MRPL38: variants seen among roughly 807,000 people sequenced by gnomAD.
MRPL38 encodes the protein large ribosomal subunit protein mL38.
A neutral mutation model predicts 52.1 loss-of-function variants in MRPL38; 51 were observed. The ratio of observed to expected loss-of-function variants is 0.98; its 90% CI spans 0.78 to 1.24. The LOEUF is 1.24. Ranked by LOEUF, MRPL38 falls within the 50% of genes most tolerant of loss-of-function variation. MRPL38 has a pLI of 0.00. For synonymous variants in MRPL38, 245 were observed against 212.7 expected, an observed-to-expected ratio of 1.15 and a Z score of -1.32; for missense variants, 527 against 518.6, an observed-to-expected ratio of 1.02 and a Z score of -0.16.
chr17:75,903,164 T>G (rs2065412618), intron 2 of MRPL38, among the ~76,000 whole-genome samples: 1 of 152,168 alleles, frequency 6.6e-6, no homozygotes, highest in South Asian at 2.1e-4. Flanking sequence ...ATCCCAACAC[T>G]TTGGGAGGCT....
At chr17:75,902,699 G>A (rs1209566958) in intron 2 of MRPL38, among the ~76,000 whole-genome samples, 2 of 152,132 alleles carry the variant, frequency 1.3e-5, no homozygotes, top group East Asian at 1.9e-4. Flanking sequence ...GGATGTAACT[G>A]GGAAGCAAAT....
At position 75,901,826 on chromosome 17, in the gene MRPL38, T is replaced by C; in HGVS notation, c.477A>G (p.Arg159=). 6.2e-7 allele frequency: 1 copy of C among 1,613,328 alleles called. No homozygotes were observed. Among genetic ancestry groups the C allele is most frequent in the Non-Finnish European group, 8.5e-7 (1 of 1,179,830 alleles). ...QRLAEYYGLY[R]DLFHGATFVP... ...CAAAGGTGGCACCGTGGAACAGGTCTCGGTAGAGGCCGTAATACTCAGCCA... is the reference window on the plus strand; with the variant it reads ...CAAAGGTGGCACCGTGGAACAGGTCCCGGTAGAGGCCGTAATACTCAGCCA... The change falls in exon 4 of 9, where the codon CGA becomes CGG. Residue 159 remains arginine, a synonymous_variant. Coordinates refer to ENST00000309352, the MANE Select transcript of MRPL38 (RefSeq NM_032478.4). The surrounding 1 kb of genome is among the most constrained non-coding windows in gnomAD (Gnocchi z 5.7).
intron 2 of MRPL38, among the ~76,000 whole-genome samples, chr17:75,903,820 G>C (rs2065416112): frequency 6.6e-6 from 1 of 151,920 alleles, no homozygotes; most frequent in Non-Finnish European, 1.5e-5. Flanking sequence ...CTGCCTCCTG[G>C]GTTCAAGCGA....
rs375197278 is a variant in MRPL38 at position 75,901,950 on chromosome 17, G to A, written c.383-30C>T. On this transcript the variant is annotated intron_variant, in intron 3 of 8. Coordinates refer to ENST00000309352, the MANE Select transcript of MRPL38 (RefSeq NM_032478.4). This position sits in a 1 kb window ranked among gnomAD's most constrained non-coding sequence, Gnocchi z 5.7. ...ACAGGAATAAGGCCAGTTGGGATAC[G>A]GGGGTGGGGGGGGCAGGGACACACC... 1.4e-5 allele frequency: 22 copies of A among 1,606,514 alleles called. No individual in the cohort carries two copies. Among genetic ancestry groups the A allele is most frequent in the East Asian group, 4.5e-5 (2 of 44,666 alleles).
In MRPL38 at chr17:75,899,654, C is replaced by T. The variant is rs145518548; in HGVS notation, c.731G>A (p.Arg244Gln). The change falls in exon 7 of 9, where the codon CGG becomes CAG. Residue 244 changes from arginine (R) to glutamine (Q), a missense_variant. Coordinates refer to ENST00000309352, the MANE Select transcript of MRPL38 (RefSeq NM_032478.4). ...ACACGTCACCTGTCCTTCAGCCACC[C>T]GGTTACCCGGGATGTTGGTTCTGGG... ...HWLLTNIPGN[R>Q]VAEGQVTCPY... The T allele has an allele frequency of 8.9e-5, 140 of 1,579,724 alleles. 1 individual carries two copies. The Admixed American group carries it at 2.3e-3, about 25-fold the overall frequency.
rs975500682 is a variant in MRPL38 at position 75,904,871 on chromosome 17, G to A, written c.5C>T (p.Ala2Val). Residue 2 changes from alanine (A) to valine (V), a missense_variant, in exon 1 of 9, where the codon GCG becomes GTG. Coordinates refer to ENST00000309352, the MANE Select transcript of MRPL38 (RefSeq NM_032478.4). M[A>V]APWWRAALCE... is the part of the protein sequence containing the mutation. The stretch of plus-strand genomic sequence containing the variant: ...CAGCGCGGCTCGCCACCAGGGCGCC[G>A]CCATCTTCCCTCCGGCCTGCGACAC... The A allele has an allele frequency of 1.5e-5, 22 of 1,506,022 alleles. No homozygotes were observed. Among genetic ancestry groups the A allele is most frequent in the South Asian group, 4.8e-5 (4 of 82,540 alleles). 93.3% of individuals were successfully genotyped at this position (1,506,022 alleles called of 1,614,324 possible).
chr17:75,904,243 C>G (rs2065418133), intron 2 of MRPL38: 1 of 581,798 alleles, frequency 1.7e-6, no homozygotes, highest in Non-Finnish European at 3.3e-6. Context: ...TTGAGGCGCA[C>G]AGAACGGCAT....
chr17:75,899,264 A>C lies in MRPL38; in HGVS notation c.900T>G (p.Thr300=), dbSNP rs1475280272. 1.2e-6 allele frequency: 2 copies of C among 1,612,716 alleles called. No homozygotes were observed. Among genetic ancestry groups the C allele is most frequent in the Admixed American group, 3.3e-5 (2 of 59,858 alleles). The change falls in exon 8 of 9, where the codon ACT becomes ACG. Residue 300 remains threonine, a synonymous_variant. Transcript: ENST00000309352. ...CTTGGTGTTTCTTGTAGAAATCAAA[A>C]GTGCGGAAGGTCCGCTGGGCCAGCT... ...CYQLAQRTFR[T]FDFYKKHQET... is the part of the protein sequence containing the mutation.
intron 8 of MRPL38, 42 bp from the exon 9 acceptor site, chr17:75,899,028 C>T (rs371747301): frequency 6.5e-5 from 101 of 1,550,494 alleles, no homozygotes; most frequent in Middle Eastern, 2.1e-4. Context: ...TGCTGGCCTG[C>T]GCCCCCTCAG....
Position 75,901,785 on chromosome 17 carries a change from A to G in MRPL38, c.518T>C (p.Leu173Pro). Residue 173 changes from leucine (L) to proline (P), a missense_variant, in exon 4 of 9, where the codon CTG becomes CCG. Leu to Pro is a moderately conservative substitution (Grantham distance 98, BLOSUM62 -3). Coordinates refer to ENST00000309352, the MANE Select transcript of MRPL38 (RefSeq NM_032478.4). This position sits in a 1 kb window ranked among gnomAD's most constrained non-coding sequence, Gnocchi z 5.7. ...HGATFVPRVP[L>P]HVAYAVGEDD... ...CTCACCCACAGCGTAGGCCACGTGC[A>G]GGGGGACTCGGGGCACAAAGGTGGC... 1 of 1,613,552 alleles carries G rather than the reference A, an allele frequency of 6.2e-7. No individual in the cohort carries two copies. Among genetic ancestry groups the G allele is most frequent in the Non-Finnish European group, 8.5e-7 (1 of 1,179,842 alleles).
rs2065406021 is a variant in MRPL38, at chr17:75,901,857, T to G, written c.446A>C (p.Gln149Pro). 6.2e-7 allele frequency: 1 copy of G among 1,611,984 alleles called. No individual in the cohort carries two copies. Among genetic ancestry groups the G allele is most frequent in the Admixed American group, 1.7e-5 (1 of 59,848 alleles). The change falls in exon 4 of 9, where the codon CAG (glutamine) becomes CCG (proline). Residue 149 changes from glutamine (Q) to proline (P), a missense_variant. Transcript: ENST00000309352. This position sits in a 1 kb window ranked among gnomAD's most constrained non-coding sequence, Gnocchi z 5.7. ...GAGGCCGTAATACTCAGCCAGACGC[T>G]GCTTGTGGTAGGGGCCACAGGTCCT... is the stretch of plus-strand genomic sequence containing the variant. ...WERTCGPYHK[Q>P]RLAEYYGLYR... is the part of the protein sequence containing the mutation.
Position 75,902,021 on chromosome 17 carries a change from T to G in MRPL38, c.381A>C (p.Thr127=). ...VEEERAARLR[T]ASVPLDAVRA... Reference sequence around the variant, plus strand: ...GGCCCCTCCCCTGAGAAGGCTTACCTGTGCGGAGGCGGGCAGCCCGCTCCT... The same window carrying G: ...GGCCCCTCCCCTGAGAAGGCTTACCGGTGCGGAGGCGGGCAGCCCGCTCCT... The change falls in exon 3 of 9, where the codon ACA becomes ACC. Residue 127 remains threonine, a splice_region_variant and synonymous_variant. Transcript: ENST00000309352. 6.2e-7 allele frequency: 1 copy of G among 1,613,772 alleles called. No homozygotes were observed. Among genetic ancestry groups the G allele is most frequent in the Non-Finnish European group, 8.5e-7 (1 of 1,179,804 alleles).
rs1944252563 is a variant in MRPL38 at position 75,900,962 on chromosome 17, CCCAGTACT to C, written c.710+12_710+19del. On this transcript the variant is annotated intron_variant, in intron 6 of 8. Transcript: ENST00000309352. ...TCCCGCCTGGGCAGCACCCCCTACC[CCCAGTACT>C]CCAGTACTCACAGCAGCCAGTGGAG... The C allele has an allele frequency of 6.2e-7, 1 of 1,610,474 alleles. No homozygotes were observed. The highest frequency in any genetic ancestry group is 8.5e-7 in the Non-Finnish European group (1 of 1,178,668).
chr17:75,900,730 A>C, intron 6 of MRPL38: 1 of 1,322,218 alleles, frequency 7.6e-7, no homozygotes, highest in Non-Finnish European at 9.6e-7. Flanking sequence ...CAAAAAAAAA[A>C]AAAAAAAAGA....
intron 8 of MRPL38, 29 bp from the exon 9 acceptor site, chr17:75,899,015 G>T (rs1349754646): frequency 5.7e-6 from 9 of 1,569,416 alleles, no homozygotes; most frequent in Admixed American, 3.5e-5. Flanking sequence ...GTACGGGGTG[G>T]TCTGCTGGCC....
chr17:75,899,067 G>T, intron 8 of MRPL38, 81 bp from the exon 9 acceptor site: 1 of 1,531,320 alleles, frequency 6.5e-7, no homozygotes, highest in Non-Finnish European at 8.8e-7. Flanking sequence ...GGGACCTGCC[G>T]CAGCCTTCCC....
intron 6 of MRPL38, chr17:75,899,932 T>G: frequency 6.7e-6 from 2 of 299,826 alleles, no homozygotes; most frequent in Non-Finnish European, 1.2e-5. Context: ...ATGCAGCCGC[T>G]TCCAGGCCCC....
chr17:75,902,329 T>C, intron 2 of MRPL38, 175 bp from the exon 3 acceptor site: 1 of 695,662 alleles, frequency 1.4e-6, no homozygotes, highest in South Asian at 1.9e-5. Context: ...GTATGAACTC[T>C]TGGGCTCAAG....
chr17:75,899,115 G>A, intron 8 of MRPL38, 43 bp downstream of exon 8: 1 of 1,570,574 alleles, frequency 6.4e-7, no homozygotes, highest in Non-Finnish European at 8.6e-7. Context: ...GGCGAGGCCT[G>A]GGAGCTCAGG....
Sources: allele counts gnomAD v4.1 joint callset (sites outside exome capture counted in the v4.1 genomes callset), GRCh38; gene constraint gnomAD v4.1.1; non-coding constraint Gnocchi (gnomAD v3.1); transcripts MANE v1.5; gene names NCBI Gene and HGNC (gene_info 2026-07-23, HGNC 2026-07-21).